Variants in DNAJC6 observed in about 807,000 individuals in gnomAD.
The protein encoded by DNAJC6 is DnaJ heat shock protein family (Hsp40) member C6.
DNAJC6 carries 34 observed loss-of-function variants against 110.0 expected under a neutral mutation model. The ratio of observed to expected loss-of-function variants is 0.31; its 90% CI spans 0.24 to 0.41. DNAJC6 has a LOEUF of 0.41. Ranked by LOEUF, DNAJC6 falls within the 10% of genes least tolerant of loss-of-function variation. DNAJC6 has a pLI of 1.00. For synonymous variants in DNAJC6, 406 were observed against 437.2 expected, an observed-to-expected ratio of 0.93 and a Z score of 0.89; for missense variants, 1,031 against 1,207.8, an observed-to-expected ratio of 0.85 and a Z score of 2.17.
rs754115488 is a variant in DNAJC6, at chr1:65,309,864, G to T, written c.119G>T (p.Arg40Ile). The change falls in exon 1 of 19, where the codon AGA becomes ATA. Residue 40 changes from arginine (R) to isoleucine (I), a missense_variant. By Grantham distance (97) the Arg-to-Ile change is moderately conservative. Transcript: ENST00000371069. ...AGSGGVGGKQ[R>I]VNAGAAARSP... ...AGCGGCGGGGTTGGCGGCAAGCAGA[G>T]AGTGAACGCCGGGGCAGCGGCGCGG... 55 of 1,548,024 alleles carry T rather than the reference G, an allele frequency of 3.6e-5. No homozygotes were observed. The highest frequency in any genetic ancestry group is 4.7e-5 in the Non-Finnish European group (54 of 1,145,792).
rs772468365 is a variant in DNAJC6 at position 65,389,280 on chromosome 1, A to G, written c.1218A>G (p.Val406=). Residue 406 remains valine (V), a synonymous_variant, in exon 10 of 19, where the codon GTA becomes GTG. Coordinates refer to ENST00000371069, the MANE Select transcript of DNAJC6 (RefSeq NM_001256864.2). The part of the protein sequence containing the change: ...FTKPELDACD[V]PEKYPQLFQV... ...GGCCTGAGTTAGATGCATGTGATGT[A>G]CCAGAAAAATATCCTCAGCTATTTC... 1.2e-6 allele frequency: 2 copies of G among 1,614,050 alleles called. No individual in the cohort carries two copies. Among genetic ancestry groups the G allele is most frequent in the South Asian group, 2.2e-5 (2 of 91,072 alleles).
rs1268839668 is a variant in DNAJC6 at position 65,413,747 on chromosome 1, C to T, written c.*722C>T. On this transcript the variant is annotated 3_prime_UTR_variant, in exon 19 of 19. Transcript: ENST00000371069. ...TTTATTCCTGGTTAGGAAGGTGGGC[C>T]GCTACCCTTCTTTCCCTTTAGAAAA... 5 of 152,082 alleles carry T rather than the reference C, an allele frequency of 3.3e-5. No individual in the cohort carries two copies. Among genetic ancestry groups the T allele is most frequent in the South Asian group, 4.2e-4 (2 of 4,812 alleles). 9.4% of individuals were successfully genotyped at this position (152,082 alleles called of 1,614,324 possible).
In DNAJC6 at chr1:65,411,330, G is replaced by T. The variant is rs201708707; in HGVS notation, c.2715G>T (p.Glu905Asp). The T allele has an allele frequency of 1.5e-4, 238 of 1,614,066 alleles. No individual in the cohort carries two copies. Among genetic ancestry groups the T allele is most frequent in the Non-Finnish European group, 1.9e-4 (222 of 1,180,030 alleles). Residue 905 changes from glutamate to aspartate, a missense_variant, in exon 18 of 19, where the codon GAG (glutamate) becomes GAT (aspartate). Glu to Asp is a conservative substitution (Grantham distance 45). Coordinates refer to ENST00000371069, the MANE Select transcript of DNAJC6 (RefSeq NM_001256864.2). ...TGCATACCGTACTATGGGCTGGGGAGACCAAGTGGAAACCAGTTGGCATGG... is the reference window on the plus strand; with the variant it reads ...TGCATACCGTACTATGGGCTGGGGATACCAAGTGGAAACCAGTTGGCATGG... The part of the protein sequence containing the change: ...STMHTVLWAG[E>D]TKWKPVGMAD...
chr1:65,298,397 A>G (rs1268013442), intron 1 of DNAJC6, among the ~76,000 whole-genome samples: 1 of 152,172 alleles, frequency 6.6e-6, no homozygotes, highest in African/African-American at 2.4e-5. Flanking sequence ...GAAGGTATGC[A>G]GTTTCCTTTG....
chr1:65,304,727 C>CAA (rs910792826), upstream of DNAJC6, among the ~76,000 whole-genome samples: 1 of 152,122 alleles, frequency 6.6e-6, no homozygotes, highest in Non-Finnish European at 1.5e-5. Context: ...GGGGGTATTT[C>CAA]TCCTTAAGGT....
chr1:65,307,018 C>CTCAA (rs1465563773), upstream of DNAJC6, among the ~76,000 whole-genome samples: 1 of 70,704 alleles, frequency 1.4e-5, no homozygotes, highest in East Asian at 4.0e-4. Flanking sequence ...CTCTCTCTCT[C>CTCAA]TATATATATA....
intron 1 of DNAJC6, among the ~76,000 whole-genome samples, chr1:65,287,268 A>G (rs1333841295): frequency 2.0e-5 from 3 of 152,214 alleles, no homozygotes; most frequent in Admixed American, 2.0e-4. Context: ...AAAAATGCAA[A>G]CAAATGAAGT....
intron 1 of DNAJC6, among the ~76,000 whole-genome samples, chr1:65,349,337 G>T (rs951676864): frequency 4.0e-5 from 6 of 151,496 alleles, no homozygotes; most frequent in African/African-American, 1.5e-4. Flanking sequence ...ATTTTTGCTT[G>T]CAACAGTGAT....
intron 11 of DNAJC6, among the ~76,000 whole-genome samples, chr1:65,390,253 C>T (rs1645913821): frequency 6.6e-6 from 1 of 152,142 alleles, no homozygotes; most frequent in South Asian, 2.1e-4. Context: ...ATGAGATTAA[C>T]ACAGGATTCT....
intron 1 of DNAJC6, among the ~76,000 whole-genome samples, chr1:65,276,310 T>C (rs1653668755): frequency 6.6e-6 from 1 of 152,244 alleles, no homozygotes; most frequent in Non-Finnish European, 1.5e-5. Context: ...AGTCTTTTTA[T>C]CTCTTCTGTT....
Position 65,392,474 on chromosome 1 carries a change from C to G in DNAJC6, c.1512C>G (p.Ala504=). 1 of 1,612,948 alleles carries G rather than the reference C, an allele frequency of 6.2e-7. No individual in the cohort carries two copies. Reference sequence around the variant, plus strand: ...CATTCTGTGAGGAGGACCACGCTGCCCTAGTGAATCAGGAAAGTGAGCAAT... The same window carrying G: ...CATTCTGTGAGGAGGACCACGCTGCGCTAGTGAATCAGGAAAGTGAGCAAT... ...EKSFCEEDHA[A]LVNQESEQSD... is the part of the protein sequence containing the mutation. The change falls in exon 12 of 19, where the codon GCC becomes GCG. Residue 504 remains alanine, a synonymous_variant. Transcript: ENST00000371069.
At position 65,349,231 on chromosome 1, in the gene DNAJC6, T is replaced by TATAGCAGTAA. The variant is rs1645468780; in HGVS notation, c.194-15402_194-15393dup. Reference sequence around the variant, plus strand: ...TACATAAAATAAAATAAGAGAATGTTATAGCAGTAAAATTTCACTTACCTT... The same window carrying TATAGCAGTAA: ...TACATAAAATAAAATAAGAGAATGTTATAGCAGTAAATAGCAGTAAAATTTCACTTACCTT... On this transcript the variant is annotated intron_variant, in intron 1 of 18. Coordinates refer to ENST00000371069, the MANE Select transcript of DNAJC6 (RefSeq NM_001256864.2). Among the ~76,000 whole-genome samples the TATAGCAGTAA allele has an allele frequency of 1.3e-5, 2 of 151,164 alleles. 1 individual carries two copies. Among genetic ancestry groups the TATAGCAGTAA allele is most frequent in the South Asian group, 4.2e-4 (2 of 4,818 alleles).
intron 1 of DNAJC6, among the ~76,000 whole-genome samples, chr1:65,326,420 A>T (rs1645242241): frequency 6.6e-6 from 1 of 152,224 alleles, no homozygotes; most frequent in South Asian, 2.1e-4. Context: ...GGATTTGAAC[A>T]TTCCAGATAA....
chr1:65,325,711 T>C (rs1311287874), intron 1 of DNAJC6, among the ~76,000 whole-genome samples: 1 of 152,232 alleles, frequency 6.6e-6, no homozygotes, highest in Non-Finnish European at 1.5e-5. Context: ...TAGCTTAATA[T>C]AGCCATACGT....
intron 1 of DNAJC6, among the ~76,000 whole-genome samples, chr1:65,314,598 C>T (rs1403586597): frequency 6.6e-6 from 1 of 152,166 alleles, no homozygotes; most frequent in African/African-American, 2.4e-5. Context: ...AAGCAATTCC[C>T]CTGCCTCAGC....
At chr1:65,284,815 A>G (rs1653963341) in intron 1 of DNAJC6, among the ~76,000 whole-genome samples, 1 of 151,784 alleles carries the variant, frequency 6.6e-6, no homozygotes, top group Non-Finnish European at 1.5e-5. Flanking sequence ...CAGCCTCCCA[A>G]GTAGCTGGAA....
intron 1 of DNAJC6, among the ~76,000 whole-genome samples, chr1:65,293,504 A>T (rs1644900003): frequency 6.6e-6 from 1 of 152,144 alleles, no homozygotes; most frequent in African/African-American, 2.4e-5. Context: ...GACACTCCCC[A>T]ACACCCTCTA....
At chr1:65,288,066 C>T (rs529262976) in intron 1 of DNAJC6, among the ~76,000 whole-genome samples, 18 of 152,146 alleles carry the variant, frequency 1.2e-4, no homozygotes, top group African/African-American at 4.8e-5. Flanking sequence ...CCTCTTGTTG[C>T]CCTCTCCAGA....
intron 1 of DNAJC6, among the ~76,000 whole-genome samples, chr1:65,358,313 T>G (rs1645564546): frequency 6.6e-6 from 1 of 152,196 alleles, no homozygotes; most frequent in Non-Finnish European, 1.5e-5. Flanking sequence ...TATAACTGTT[T>G]TGAAAATGTA....
Sources: allele counts gnomAD v4.1 joint callset (sites outside exome capture counted in the v4.1 genomes callset), GRCh38; gene constraint gnomAD v4.1.1; transcripts MANE v1.5; gene names NCBI Gene and HGNC (gene_info 2026-07-23, HGNC 2026-07-21).